The following LMF1 variants were observed in gnomAD, a reference collection of about 807,000 sequenced individuals.
The protein encoded by LMF1 is transmembrane protein 112.
In LMF1, 68 loss-of-function variants were observed where a neutral mutation model predicts 60.6. The ratio of observed to expected loss-of-function variants is 1.12; its 90% CI spans 0.92 to 1.37. LMF1 has a LOEUF of 1.37. Ranked by LOEUF, LMF1 falls within the 40% of genes most tolerant of loss-of-function variation. The pLI, the probability that LMF1 is intolerant of heterozygous loss-of-function variation, is 0.00. For missense variants in LMF1, 948 were observed against 767.2 expected (o/e 1.24, Z -2.78); for synonymous variants, 418 against 324.7 (o/e 1.29, Z -3.09).
chr16:952,451 C>G lies in LMF1; in HGVS notation c.503+1906G>C, dbSNP rs1277948820. 7 of 152,288 alleles carry G rather than the reference C, an allele frequency of 4.6e-5. No homozygotes were observed. In the East Asian group the frequency reaches 1.4e-3, roughly 30 times the overall value. 9.4% of individuals were successfully genotyped at this position (152,288 alleles called of 1,614,324 possible). ...GGAGCCACAGGCGCTGTGCTGGAGG[C>G]AGAGCATTCAGGCTCCCGGAAGTGC... On this transcript the variant is annotated intron_variant, in intron 2 of 10. Coordinates refer to ENST00000262301, the MANE Select transcript of LMF1 (RefSeq NM_022773.4).
At chr16:912,190 C>A (rs113494640) in intron 3 of LMF1, among the ~76,000 whole-genome samples, 1 of 152,126 alleles carries the variant, frequency 6.6e-6, no homozygotes, top group African/African-American at 2.4e-5. Flanking sequence ...CGCCACAGAG[C>A]GGATGGGAGA....
intron 6 of LMF1, chr16:873,557 G>A (rs1260778719): frequency 6.6e-6 from 1 of 152,268 alleles, no homozygotes; most frequent in Non-Finnish European, 1.5e-5. Flanking sequence ...CAGGTGGCTT[G>A]TGGGGACCCT....
chr16:867,841 G>A (rs1003462612), intron 10 of LMF1, among the ~76,000 whole-genome samples: 6 of 152,150 alleles, frequency 3.9e-5, no homozygotes, highest in African/African-American at 1.2e-4. Flanking sequence ...GGGAGCACCT[G>A]CCTGGGCTGC....
intron 1 of LMF1, among the ~76,000 whole-genome samples, chr16:965,228 A>C (rs1340046410): frequency 6.6e-6 from 1 of 152,218 alleles, no homozygotes; most frequent in Non-Finnish European, 1.5e-5. Context: ...TTCTCCATTC[A>C]GCTTCATGGA....
chr16:927,776 C>T (rs920753694), intron 3 of LMF1, among the ~76,000 whole-genome samples: 1 of 152,232 alleles, frequency 6.6e-6, no homozygotes, highest in African/African-American at 2.4e-5. Flanking sequence ...CCTCATTAAG[C>T]TGTTTTTAAA....
At chr16:886,148 C>G (rs904778989) in intron 5 of LMF1, among the ~76,000 whole-genome samples, 4 of 152,186 alleles carry the variant, frequency 2.6e-5, no homozygotes, top group African/African-American at 4.8e-5. Flanking sequence ...AGTGGGTGAT[C>G]AGTTTAAAGC....
chr16:964,267 G>A (rs2072877780), intron 1 of LMF1: 2 of 178,856 alleles, frequency 1.1e-5, no homozygotes, highest in South Asian at 8.7e-5. Flanking sequence ...CTGCACTGCA[G>A]CCTGGGCGAA....
chr16:976,461 C>T (rs1342878518), intron 1 of LMF1: 1 of 453,940 alleles, frequency 2.2e-6, no homozygotes, highest in Non-Finnish European at 4.4e-6. Context: ...AAGTCTCAGA[C>T]ACCGCCCCCA....
At chr16:869,306 C>T (rs564957232) in intron 9 of LMF1, 1 of 676,804 alleles carries the variant, frequency 1.5e-6, no homozygotes, top group East Asian at 2.8e-5. Flanking sequence ...GCCTGTCCAC[C>T]CCAGCACCCT....
chr16:879,546 G>C, intron 6 of LMF1, 24 bp downstream of exon 6: 1 of 1,610,292 alleles, frequency 6.2e-7, no homozygotes, highest in Non-Finnish European at 8.5e-7. Flanking sequence ...TGGACACGGG[G>C]CAGGGCGGGC....
At position 953,378 on chromosome 16, in the gene LMF1, C is replaced by T. The variant is rs74195703; in HGVS notation, c.503+979G>A. 4.5e-4 allele frequency among the ~76,000 whole-genome samples: 35 copies of T among 77,292 alleles called. 1 individual carries two copies. The highest frequency in any genetic ancestry group is 2.3e-3 in the South Asian group (5 of 2,218). The allele number at this position is 77,292 out of a possible 152,430, so 50.7% of individuals were successfully genotyped here. A position where few individuals can be genotyped will look rare whatever the true frequency, so the allele number is the denominator to read the frequency against. ...ACACAGACACGGACCCCAAACCAGC[C>T]TCCTACACGTCCACACAGACACCCA... is the stretch of plus-strand genomic sequence containing the variant. On this transcript the variant is annotated intron_variant, in intron 2 of 10. Transcript: ENST00000262301.
intron 2 of LMF1, among the ~76,000 whole-genome samples, chr16:951,409 T>C (rs1294286236): frequency 6.6e-6 from 1 of 152,234 alleles, no homozygotes; most frequent in African/African-American, 2.4e-5. Flanking sequence ...CGACTTCAGA[T>C]ACTATAGCAG....
At chr16:979,911 C>T (rs939423718) in intron 1 of LMF1, 11 of 372,804 alleles carry the variant, frequency 3.0e-5, no homozygotes, top group Non-Finnish European at 4.9e-5. Context: ...CTGAGGGCCA[C>T]GGAAGGATGC....
In LMF1 at chr16:913,007, C is replaced by T. The variant is rs958979237; in HGVS notation, c.515-1928G>A. Among the ~76,000 whole-genome samples, 10 of 152,348 alleles carry T rather than the reference C, an allele frequency of 6.6e-5. No individual in the cohort carries two copies. In the East Asian group the frequency reaches 1.2e-3, roughly 18 times the overall value. ...GCGAGCCCCAGGCACCCGAACGAGG[C>T]GGCAACACGCAGGGCCACAGCACAC... is the stretch of plus-strand genomic sequence containing the variant. On this transcript the variant is annotated intron_variant, in intron 3 of 10. Coordinates refer to ENST00000262301, the MANE Select transcript of LMF1 (RefSeq NM_022773.4).
At chr16:865,217 T>G (rs747106613) in intron 10 of LMF1, among the ~76,000 whole-genome samples, 35 of 152,236 alleles carry the variant, frequency 2.3e-4, no homozygotes, top group Non-Finnish European at 4.3e-4. Context: ...CCATTTGCCC[T>G]CATCCATTTA....
At chr16:900,080 C>G (rs917024044) in intron 4 of LMF1, 3 of 152,154 alleles carry the variant, frequency 2.0e-5, no homozygotes, top group Non-Finnish European at 2.9e-5. Context: ...ACCCGGCACT[C>G]CCCCGCACCC....
intron 3 of LMF1, among the ~76,000 whole-genome samples, chr16:924,547 T>C (rs2071539944): frequency 6.6e-6 from 1 of 152,176 alleles, no homozygotes; most frequent in South Asian, 2.1e-4. Flanking sequence ...AGGCTGTCCT[T>C]GGTCTAGAGG....
chr16:929,345 G>A (rs1038370200), intron 3 of LMF1, among the ~76,000 whole-genome samples: 8 of 152,256 alleles, frequency 5.3e-5, no homozygotes, highest in African/African-American at 1.7e-4. Context: ...CCCCATGGGG[G>A]ACGGGGACCA....
At chr16:880,197 G>C (rs1320643709) in intron 5 of LMF1, among the ~76,000 whole-genome samples, 1 of 152,162 alleles carries the variant, frequency 6.6e-6, no homozygotes, top group African/African-American at 2.4e-5. Context: ...GGGACGTGCC[G>C]GTTGGGGACC....
Sources: allele counts gnomAD v4.1 joint callset (sites outside exome capture counted in the v4.1 genomes callset), GRCh38; gene constraint gnomAD v4.1.1; transcripts MANE v1.5; gene names NCBI Gene and HGNC (gene_info 2026-07-23, HGNC 2026-07-21).